The following SOX7 variants were observed in gnomAD, a reference collection of about 807,000 sequenced individuals.
SOX7 encodes the protein transcription factor SOX-7.
A neutral mutation model predicts 24.9 loss-of-function variants in SOX7; 19 were observed. The observed-to-expected ratio is 0.76, with a 90% CI of 0.53 to 1.12. The LOEUF is 1.12. Among genes scored for constraint, SOX7 ranks in the 50% most tolerant of loss-of-function variants. The pLI is 0.00. For missense variants in SOX7, 702 were observed against 535.0 expected (o/e 1.31, Z -3.08); for synonymous variants, 327 against 244.5 (o/e 1.34, Z -3.15).
Position 10,725,489 on chromosome 8 carries a change from G to A in SOX7, c.*249C>T. The A allele has an allele frequency of 3.6e-6, 2 of 551,936 alleles. No individual in the cohort carries two copies. Among genetic ancestry groups the A allele is most frequent in the South Asian group, 4.4e-5 (2 of 44,960 alleles). The allele number at this position is 551,936 out of a possible 1,614,324, so 34.2% of individuals were successfully genotyped here. ...CACTGGGAGACAGCAACTCTCAGGG[G>A]CTGGAGGAAAACTCACTTGAAGGAA... On this transcript the variant is annotated 3_prime_UTR_variant, in exon 2 of 2. Transcript: ENST00000304501.
rs1196323601 is a variant in SOX7 at position 10,725,856 on chromosome 8, G to A, written c.1049C>T (p.Ala350Val). The change falls in exon 2 of 2, where the codon GCC (alanine) becomes GTC (valine). Residue 350 changes from alanine to valine, a missense_variant. Coordinates refer to ENST00000304501, the MANE Select transcript of SOX7 (RefSeq NM_031439.4). ...GGAGACCGGAACATGCCCACTGAGG[G>A]CCATGGCCCCTGTGGCGGAGTCTGG... ...GHPDSATGAMALSGHVPVSQV... is the reference protein window; with the variant it reads ...GHPDSATGAMVLSGHVPVSQV... The A allele has an allele frequency of 1.5e-5, 25 of 1,614,118 alleles. No homozygotes were observed. The highest frequency in any genetic ancestry group is 2.0e-5 in the Non-Finnish European group (24 of 1,180,044).
chr8:10,730,369 TC>T lies in SOX7; in HGVS notation c.64del (p.Glu22SerfsTer28). On this transcript the variant is annotated frameshift_variant, in exon 1 of 2. Coordinates refer to ENST00000304501, the MANE Select transcript of SOX7 (RefSeq NM_031439.4). LOFTEE classifies it high-confidence loss of function. This position sits in a 1 kb window ranked among gnomAD's most constrained non-coding sequence, Gnocchi z 4.8. ...CGGCGGCGATTGTCCATCCGACAGC[TC>T]GGCGTCCAGGGCCGGGCACTCGAGA... is the stretch of plus-strand genomic sequence containing the variant. The part of the protein sequence containing the change: ...EGLECPALDA[E>X]LSDGQSPPAV... The T allele has an allele frequency of 6.4e-7, 1 of 1,559,412 alleles. No individual in the cohort carries two copies. Among genetic ancestry groups the T allele is most frequent in the Non-Finnish European group, 8.6e-7 (1 of 1,157,140 alleles).
chr8:10,726,347 G>GCCA lies in SOX7; in HGVS notation c.555_557dup (p.Gly189dup). On this transcript the variant is annotated inframe_insertion, in exon 2 of 2. Transcript: ENST00000304501. ...CCACACTGCTCGGGGTGCCGCCGCC[G>GCCA]CCACCACCAGCCGGCCCCTCGTGGT... 3 of 1,612,316 alleles carry GCCA rather than the reference G, an allele frequency of 1.9e-6. No individual in the cohort carries two copies. The highest frequency in any genetic ancestry group is 1.1e-5 in the South Asian group (1 of 91,006).
chr8:10,725,813 A>G lies in SOX7; in HGVS notation c.1092T>C (p.Gly364=), dbSNP rs1403927485. The G allele has an allele frequency of 6.2e-7, 1 of 1,613,984 alleles. No individual in the cohort carries two copies. The highest frequency in any genetic ancestry group is 8.5e-7 in the Non-Finnish European group (1 of 1,179,994). Residue 364 remains glycine (G), a synonymous_variant, in exon 2 of 2, where the codon GGT becomes GGC. Transcript: ENST00000304501. The stretch of plus-strand genomic sequence containing the variant: ...CGGAGATGAGGCTGGTCTCTGTGGG[A>G]CCCGTTGGTGTCACCTGGGAGACCG... ...HVPVSQVTPT[G]PTETSLISVL...
chr8:10,725,658 T>C lies in SOX7; in HGVS notation c.*80A>G, dbSNP rs1800130410. On this transcript the variant is annotated 3_prime_UTR_variant, in exon 2 of 2. Coordinates refer to ENST00000304501, the MANE Select transcript of SOX7 (RefSeq NM_031439.4). ...CCCTGAGCGGTGGGAGGAAAGCTGG[T>C]GTGGCTGGACGGCTCCTCTGCCACT... 6.8e-7 allele frequency: 1 copy of C among 1,477,130 alleles called. No homozygotes were observed. The highest frequency in any genetic ancestry group is 9.3e-7 in the Non-Finnish European group (1 of 1,071,142). 91.5% of individuals were successfully genotyped at this position (1,477,130 alleles called of 1,614,324 possible).
In SOX7 at chr8:10,730,350, C is replaced by G; in HGVS notation, c.84G>C (p.Ser28=). Residue 28 remains serine, a synonymous_variant, in exon 1 of 2, where the codon TCG becomes TCC. Coordinates refer to ENST00000304501, the MANE Select transcript of SOX7 (RefSeq NM_031439.4). This position sits in a 1 kb window ranked among gnomAD's most constrained non-coding sequence, Gnocchi z 4.8. ...CCGGGGGCCGGGGGACGGCCGGCGGCGATTGTCCATCCGACAGCTCGGCGT... is the reference window on the plus strand; with the variant it reads ...CCGGGGGCCGGGGGACGGCCGGCGGGGATTGTCCATCCGACAGCTCGGCGT... ...ALDAELSDGQ[S]PPAVPRPPGD... 1 of 1,564,404 alleles carries G rather than the reference C, an allele frequency of 6.4e-7. No individual in the cohort carries two copies.
chr8:10,727,661 A>C (rs1800181402), intron 1 of SOX7, among the ~76,000 whole-genome samples: 1 of 152,132 alleles, frequency 6.6e-6, no homozygotes. Flanking sequence ...ATCAGTGTGC[A>C]CTGCACACCC....
chr8:10,727,611 T>A (rs1425132074), intron 1 of SOX7, among the ~76,000 whole-genome samples: 1 of 152,228 alleles, frequency 6.6e-6, no homozygotes, highest in Admixed American at 6.5e-5. Flanking sequence ...TGCTTGCTTG[T>A]CTGTTGCTTT....
chr8:10,725,999 C>A lies in SOX7; in HGVS notation c.906G>T (p.Gln302His). 1 of 1,594,288 alleles carries A rather than the reference C, an allele frequency of 6.3e-7. No individual in the cohort carries two copies. The highest frequency in any genetic ancestry group is 1.7e-5 in the Admixed American group (1 of 58,964). ...CAGGGTGCTCAGGAGGCGGGGAAAG[C>A]TGGCCCAGGTGGGCTTGGAGGTTGG... ...LHSNLQAHLG[Q>H]LSPPPEHPGF... Residue 302 changes from glutamine (Q) to histidine (H), a missense_variant, in exon 2 of 2, where the codon CAG becomes CAT. By Grantham distance (24) the Gln-to-His change is conservative. Coordinates refer to ENST00000304501, the MANE Select transcript of SOX7 (RefSeq NM_031439.4).
chr8:10,730,164 C>G lies in SOX7; in HGVS notation c.238+32G>C. 3 of 1,441,108 alleles carry G rather than the reference C, an allele frequency of 2.1e-6. No homozygotes were observed. The highest frequency in any genetic ancestry group is 2.7e-6 in the Non-Finnish European group (3 of 1,095,654). The allele number at this position is 1,441,108 out of a possible 1,614,324, so 89.3% of individuals were successfully genotyped here. The stretch of plus-strand genomic sequence containing the variant: ...CCAGCCGCCCGCCGCCCGCCCCCGG[C>G]CCCCAGCCCGCTCGGCCGCGCGCTC... On this transcript the variant is annotated intron_variant, in intron 1 of 1. Transcript: ENST00000304501. This position sits in a 1 kb window ranked among gnomAD's most constrained non-coding sequence, Gnocchi z 4.8.
chr8:10,726,127 G>A lies in SOX7; in HGVS notation c.778C>T (p.Leu260=). The change falls in exon 2 of 2, where the codon CTG becomes TTG. Residue 260 remains leucine, a synonymous_variant. Transcript: ENST00000304501. ...PLHCSHPLGS[L]ALGQSPGVSM... ...ACGCCGGGGGACTGGCCAAGGGCCAGGGAGCCCAGGGGGTGGCTACAGTGG... is the reference window on the plus strand; with the variant it reads ...ACGCCGGGGGACTGGCCAAGGGCCAAGGAGCCCAGGGGGTGGCTACAGTGG... 1 of 1,580,138 alleles carries A rather than the reference G, an allele frequency of 6.3e-7. No homozygotes were observed. Among genetic ancestry groups the A allele is most frequent in the Non-Finnish European group, 8.6e-7 (1 of 1,164,066 alleles).
chr8:10,725,669 G>C lies in SOX7; in HGVS notation c.*69C>G. 1 of 1,535,892 alleles carries C rather than the reference G, an allele frequency of 6.5e-7. No individual in the cohort carries two copies. The highest frequency in any genetic ancestry group is 8.9e-7 in the Non-Finnish European group (1 of 1,117,334). On this transcript the variant is annotated 3_prime_UTR_variant, in exon 2 of 2. Coordinates refer to ENST00000304501, the MANE Select transcript of SOX7 (RefSeq NM_031439.4). ...GGGAGGAAAGCTGGTGTGGCTGGACGGCTCCTCTGCCACTCAAGGCACAAG... is the reference window on the plus strand; with the variant it reads ...GGGAGGAAAGCTGGTGTGGCTGGACCGCTCCTCTGCCACTCAAGGCACAAG...
intron 1 of SOX7, among the ~76,000 whole-genome samples, chr8:10,728,596 T>C (rs1800199353): frequency 6.6e-6 from 1 of 152,242 alleles, no homozygotes; most frequent in Admixed American, 6.5e-5. Flanking sequence ...CTCCTGAAGC[T>C]GAAGTGCAGG....
In SOX7 at chr8:10,730,357, C is replaced by T. The variant is rs1418489873; in HGVS notation, c.77G>A (p.Gly26Glu). 1.3e-6 allele frequency: 2 copies of T among 1,564,914 alleles called. No homozygotes were observed. The highest frequency in any genetic ancestry group is 1.7e-6 in the Non-Finnish European group (2 of 1,159,720). The part of the protein sequence containing the change: ...CPALDAELSD[G>E]QSPPAVPRPP... ...CCGGGGGACGGCCGGCGGCGATTGTCCATCCGACAGCTCGGCGTCCAGGGC... is the reference window on the plus strand; with the variant it reads ...CCGGGGGACGGCCGGCGGCGATTGTTCATCCGACAGCTCGGCGTCCAGGGC... The change falls in exon 1 of 2, where the codon GGA becomes GAA. Residue 26 changes from glycine (G) to glutamate (E), a missense_variant. Physicochemically the swap from Gly to Glu is moderately conservative, Grantham distance 98. Coordinates refer to ENST00000304501, the MANE Select transcript of SOX7 (RefSeq NM_031439.4). This position sits in a 1 kb window ranked among gnomAD's most constrained non-coding sequence, Gnocchi z 4.8.
chr8:10,728,889 T>A (rs1800206599), intron 1 of SOX7, among the ~76,000 whole-genome samples: 1 of 152,216 alleles, frequency 6.6e-6, no homozygotes, highest in African/African-American at 2.4e-5. Flanking sequence ...TGAAGAAAAA[T>A]ATAAACTTAC....
rs765004769 is a variant in SOX7, at chr8:10,725,704, G to A, written c.*34C>T. Reference sequence around the variant, plus strand: ...CCACTCAAGGCACAAGAAGGAGAGGGCGCGAGGGCTGACCGGACGGGGCGC... The same window carrying A: ...CCACTCAAGGCACAAGAAGGAGAGGACGCGAGGGCTGACCGGACGGGGCGC... On this transcript the variant is annotated 3_prime_UTR_variant, in exon 2 of 2. Coordinates refer to ENST00000304501, the MANE Select transcript of SOX7 (RefSeq NM_031439.4). 1.9e-6 allele frequency: 3 copies of A among 1,611,206 alleles called. No homozygotes were observed. Among genetic ancestry groups the A allele is most frequent in the East Asian group, 2.2e-5 (1 of 44,838 alleles).
intron 1 of SOX7, among the ~76,000 whole-genome samples, chr8:10,727,333 G>C (rs1229960583): frequency 6.6e-6 from 1 of 152,056 alleles, no homozygotes; most frequent in Non-Finnish European, 1.5e-5. Context: ...CGCACACCCA[G>C]ACACATGCAT....
In SOX7 at chr8:10,730,222, T is replaced by G; in HGVS notation, c.212A>C (p.His71Pro). ...KRLAVQNPDLHNAELSKMLGK... is the reference protein window; with the variant it reads ...KRLAVQNPDLPNAELSKMLGK... ...CAGCATCTTGCTGAGCTCGGCGTTGTGCAGGTCCGGGTTCTGCACTGCCAG... is the reference window on the plus strand; with the variant it reads ...CAGCATCTTGCTGAGCTCGGCGTTGGGCAGGTCCGGGTTCTGCACTGCCAG... Residue 71 changes from histidine to proline, a missense_variant, in exon 1 of 2, where the codon CAC becomes CCC. Physicochemically the swap from His to Pro is moderately conservative, Grantham distance 77. Transcript: ENST00000304501. The surrounding 1 kb of genome is among the most constrained non-coding windows in gnomAD (Gnocchi z 4.8). 6.4e-7 allele frequency: 1 copy of G among 1,555,272 alleles called. No homozygotes were observed.
At chr8:10,726,744 A>G in intron 1 of SOX7, 78 bp from the exon 2 acceptor site, 29 of 1,298,946 alleles carry the variant, frequency 2.2e-5, no homozygotes, top group Non-Finnish European at 3.0e-5. Flanking sequence ...GTGCACACAC[A>G]CGTGCACATG....
Sources: gnomAD v4.1 joint callset for allele counts (sites outside exome capture counted in the v4.1 genomes callset) on GRCh38, gnomAD v4.1.1 for gene constraint, Gnocchi (gnomAD v3.1) non-coding constraint, MANE v1.5 for transcripts, NCBI Gene and HGNC (gene_info 2026-07-23, HGNC 2026-07-21) for gene names.